The following CNTNAP2 variants were observed in gnomAD, a reference collection of about 807,000 sequenced individuals.
CNTNAP2 encodes the protein contactin associated protein 2, also known as contactin-associated protein-like 2.
Under a neutral mutation model 155.2 loss-of-function variants are expected in CNTNAP2, and 98 were observed. The observed-to-expected ratio is 0.63, with a 90% CI of 0.54 to 0.75. The LOEUF is 0.75. Ranked by LOEUF, CNTNAP2 falls within the 30% of genes least tolerant of loss-of-function variation. CNTNAP2 has a pLI of 0.00. For missense variants in CNTNAP2, 1,727 were observed against 1,688.1 expected (o/e 1.02, Z -0.40); for synonymous variants, 651 against 631.2 (o/e 1.03, Z -0.47).
chr7:146,258,790 C>T (rs576586757), intron 1 of CNTNAP2, among the ~76,000 whole-genome samples: 8 of 152,276 alleles, frequency 5.3e-5, no homozygotes, highest in South Asian at 2.1e-4. Flanking sequence ...GTGACATTTT[C>T]CTAGCTGCAT....
intron 3 of CNTNAP2, among the ~76,000 whole-genome samples, chr7:146,936,533 C>T (rs952023114): frequency 3.3e-5 from 5 of 152,094 alleles, no homozygotes; most frequent in African/African-American, 4.8e-5. Flanking sequence ...GAGAAAATGA[C>T]CAAAAGCGGG....
chr7:147,148,702 A>G (rs1801764385), intron 8 of CNTNAP2, among the ~76,000 whole-genome samples: 1 of 152,230 alleles, frequency 6.6e-6, no homozygotes, highest in Non-Finnish European at 1.5e-5. Flanking sequence ...GTGAAGCCAC[A>G]GACCTTCACA....
intron 14 of CNTNAP2, chr7:147,939,908 T>A (rs1189979531): frequency 6.6e-6 from 1 of 152,150 alleles, no homozygotes; most frequent in Admixed American, 6.5e-5. Context: ...CAGTTTAACC[T>A]GAGTTGCCAT....
chr7:146,185,128 C>G (rs1798604477), intron 1 of CNTNAP2, among the ~76,000 whole-genome samples: 1 of 151,996 alleles, frequency 6.6e-6, no homozygotes, highest in Non-Finnish European at 1.5e-5. Context: ...TTCTATAAAC[C>G]CTAGACTATA....
intron 15 of CNTNAP2, among the ~76,000 whole-genome samples, chr7:148,027,181 T>C (rs12703990): frequency 0.28 from 43,201 of 152,126 alleles, 7,834 homozygotes; most frequent in East Asian, 0.75. Context: ...GTGTGTGGTC[T>C]ACAAAACAGC....
intron 1 of CNTNAP2, among the ~76,000 whole-genome samples, chr7:146,215,830 C>T (rs891751219): frequency 2.0e-5 from 3 of 152,222 alleles, no homozygotes; most frequent in Non-Finnish European, 2.9e-5. Flanking sequence ...TGTTCTCTGC[C>T]GTCGGCTGAT....
chr7:146,741,345 C>T (rs763351967), intron 1 of CNTNAP2, among the ~76,000 whole-genome samples: 3 of 152,104 alleles, frequency 2.0e-5, no homozygotes, highest in African/African-American at 7.2e-5. Context: ...CTGGCTCCCA[C>T]AAGGCATTTT....
intron 1 of CNTNAP2, among the ~76,000 whole-genome samples, chr7:146,572,423 T>C (rs1798456558): frequency 6.6e-6 from 1 of 152,150 alleles, no homozygotes; most frequent in South Asian, 2.1e-4. Context: ...TTGGATAAAC[T>C]ATTTACTTCC....
At chr7:147,082,574 C>T (rs984291499) in intron 4 of CNTNAP2, 1 of 152,162 alleles carries the variant, frequency 6.6e-6, no homozygotes, top group Non-Finnish European at 1.5e-5. Flanking sequence ...CAGTCTCTGC[C>T]GTGCGATTTA....
At chr7:146,686,150 A>G (rs1352734611) in intron 1 of CNTNAP2, among the ~76,000 whole-genome samples, 2 of 152,022 alleles carry the variant, frequency 1.3e-5, no homozygotes, top group Non-Finnish European at 2.9e-5. Flanking sequence ...ATTTTTTAAA[A>G]AATTACCCAG....
At chr7:147,468,415 G>A (rs2116602519) in intron 10 of CNTNAP2, among the ~76,000 whole-genome samples, 1 of 152,106 alleles carries the variant, frequency 6.6e-6, no homozygotes, top group Admixed American at 6.5e-5. Flanking sequence ...CTTAACTATT[G>A]GGTTTCTCCA....
intron 14 of CNTNAP2, among the ~76,000 whole-genome samples, chr7:147,926,444 T>C (rs1436703237): frequency 6.6e-6 from 1 of 152,256 alleles, no homozygotes; most frequent in African/African-American, 2.4e-5. Flanking sequence ...ACCTGATGTT[T>C]GATTTATGCT....
At chr7:147,310,885 T>C (rs192029203) in intron 9 of CNTNAP2, among the ~76,000 whole-genome samples, 72 of 152,274 alleles carry the variant, frequency 4.7e-4, no homozygotes, top group Non-Finnish European at 7.6e-4. Context: ...CGGGAATTTA[T>C]AGCAAAAAGC....
At chr7:147,821,008 T>TA (rs1033051976) in intron 13 of CNTNAP2, among the ~76,000 whole-genome samples, 24 of 151,968 alleles carry the variant, frequency 1.6e-4, no homozygotes, top group Non-Finnish European at 4.4e-5. Flanking sequence ...AGCTTTTGTC[T>TA]AAAAAAAGAG....
chr7:146,614,475 G>A (rs1019937546), intron 1 of CNTNAP2, among the ~76,000 whole-genome samples: 7 of 152,080 alleles, frequency 4.6e-5, no homozygotes, highest in African/African-American at 1.7e-4. Flanking sequence ...ACAAGAAAAA[G>A]CCAAATACAG....
intron 22 of CNTNAP2, among the ~76,000 whole-genome samples, chr7:148,387,425 A>T (rs1410909054): frequency 6.6e-6 from 1 of 152,254 alleles, no homozygotes; most frequent in East Asian, 1.9e-4. Flanking sequence ...AACGTGAGGT[A>T]CTTGAGTCTG....
At chr7:146,574,399 G>T (rs1163410305) in intron 1 of CNTNAP2, among the ~76,000 whole-genome samples, 1 of 151,936 alleles carries the variant, frequency 6.6e-6, no homozygotes, top group African/African-American at 2.4e-5. Context: ...ATACCAACTG[G>T]TTCATACATA....
At chr7:147,546,567 T>C (rs185758663) in intron 11 of CNTNAP2, among the ~76,000 whole-genome samples, 17 of 152,282 alleles carry the variant, frequency 1.1e-4, no homozygotes, top group Non-Finnish European at 1.9e-4. Context: ...AAAAAGTAGA[T>C]ATGTACTTGT....
At chr7:148,230,546 T>A (rs775884541) in intron 20 of CNTNAP2, among the ~76,000 whole-genome samples, 9 of 152,052 alleles carry the variant, frequency 5.9e-5, no homozygotes, top group Non-Finnish European at 1.2e-4. Flanking sequence ...GTCAGTAAAG[T>A]GGAGTGTCAT....
Sources: allele counts gnomAD v4.1 joint callset (sites outside exome capture counted in the v4.1 genomes callset), GRCh38; gene constraint gnomAD v4.1.1; transcripts MANE v1.5; gene names NCBI Gene and HGNC (gene_info 2026-07-23, HGNC 2026-07-21).